Variants in FANK1 observed in about 807,000 individuals in gnomAD.
FANK1 encodes fibronectin type 3 and ankyrin repeat domains protein 1.
In FANK1, 44 loss-of-function variants were observed where a neutral mutation model predicts 45.3. The observed-to-expected ratio is 0.97, with a 90% CI of 0.76 to 1.25. The LOEUF is 1.25. Ranked by LOEUF, FANK1 falls within the 50% of genes most tolerant of loss-of-function variation. The pLI, the probability that FANK1 is intolerant of heterozygous loss-of-function variation, is 0.00. For missense variants in FANK1, 391 were observed against 424.4 expected (o/e 0.92, Z 0.69); for synonymous variants, 149 against 152.5 (o/e 0.98, Z 0.17).
intron 1 of FANK1, among the ~76,000 whole-genome samples, chr10:125,912,359 C>T (rs1284445248): frequency 3.3e-5 from 5 of 151,992 alleles, no homozygotes; most frequent in East Asian, 3.9e-4. Flanking sequence ...ATCTACCCCC[C>T]TCCTCCTCTT....
chr10:125,960,588 G>A (rs895065288), intron 1 of FANK1, among the ~76,000 whole-genome samples: 3 of 152,100 alleles, frequency 2.0e-5, no homozygotes, highest in Admixed American at 6.5e-5. Context: ...GTGCAGTGGT[G>A]CGATCTTGGC....
rs576841473 is a variant in FANK1 at position 125,989,517 on chromosome 10, AAGTTAACTCAGCTTTTG to A, written c.316+862_316+878del. ...TTCATTACAAGTTTTGTGTAGACTA[AAGTTAACTCAGCTTTTG>A]AGTTAACTCAGCTTTTGAGCTGTGG... On this transcript the variant is annotated intron_variant, in intron 3 of 10. Transcript: ENST00000368693. The A allele has an allele frequency of 1.7e-3, 1,302 of 781,888 alleles. 2 individuals carry two copies. Among genetic ancestry groups the A allele is most frequent in the Non-Finnish European group, 2.0e-3 (876 of 446,306 alleles). The allele number at this position is 781,888 out of a possible 1,614,324, so 48.4% of individuals were successfully genotyped here.
At chr10:125,919,492 C>A (rs1299161124) in intron 1 of FANK1, among the ~76,000 whole-genome samples, 1 of 152,102 alleles carries the variant, frequency 6.6e-6, no homozygotes, top group Non-Finnish European at 1.5e-5. Context: ...AGGTGTGAGC[C>A]ACTGCGCCTG....
At position 126,008,321 on chromosome 10, in the gene FANK1, G is replaced by A. The variant is rs1370394409; in HGVS notation, c.706-86G>A. On this transcript the variant is annotated intron_variant, in intron 7 of 10. Transcript: ENST00000368693. Reference sequence around the variant, plus strand: ...GACGGCTATCTAAGTCCGGGTGTTGGGGCAAGCAAATATTCCTTTTATAAG... The same window carrying A: ...GACGGCTATCTAAGTCCGGGTGTTGAGGCAAGCAAATATTCCTTTTATAAG... 4.1e-6 allele frequency: 6 copies of A among 1,470,134 alleles called. No homozygotes were observed. In the African/African-American group the frequency reaches 7.2e-5, roughly 18 times the overall value. 91.1% of individuals were successfully genotyped at this position (1,470,134 alleles called of 1,614,324 possible).
intron 1 of FANK1, among the ~76,000 whole-genome samples, chr10:125,941,853 G>T (rs911579718): frequency 2.6e-5 from 4 of 152,228 alleles, no homozygotes; most frequent in African/African-American, 9.6e-5. Context: ...CAATACGGAA[G>T]AATTCATATT....
intron 1 of FANK1, among the ~76,000 whole-genome samples, chr10:125,909,645 A>G (rs1176028370): frequency 1.3e-5 from 2 of 149,548 alleles, no homozygotes; most frequent in African/African-American, 4.9e-5. Context: ...CAGCCTTCCA[A>G]GTAGCTGGGA....
intron 1 of FANK1, among the ~76,000 whole-genome samples, chr10:125,917,960 T>C (rs1483265054): frequency 2.5e-4 from 38 of 152,398 alleles, no homozygotes; most frequent in Non-Finnish European, 4.3e-4. Context: ...ATACCTGTAG[T>C]CCCAACTACT....
At chr10:125,969,814 T>G (rs10901490) in intron 1 of FANK1, among the ~76,000 whole-genome samples, 108,468 of 151,726 alleles carry the variant, frequency 0.71, 39,622 homozygotes, top group South Asian at 0.8. Context: ...TGAGATTAGG[T>G]ATTGGTGATG....
chr10:125,991,282 G>C (rs1387231542), intron 3 of FANK1, among the ~76,000 whole-genome samples: 1 of 89,380 alleles, frequency 1.1e-5, no homozygotes, highest in Non-Finnish European at 2.6e-5. Flanking sequence ...TGTGTGTTGG[G>C]GGAGTGATCC....
chr10:125,987,155 G>A (rs1168559164), intron 2 of FANK1, among the ~76,000 whole-genome samples: 10 of 152,250 alleles, frequency 6.6e-5, no homozygotes, highest in African/African-American at 2.4e-4. Flanking sequence ...CCATCAGTAG[G>A]AAGTTGGGGT....
At chr10:125,939,997 C>A (rs1333487949) in intron 1 of FANK1, among the ~76,000 whole-genome samples, 2 of 151,142 alleles carry the variant, frequency 1.3e-5, no homozygotes, top group African/African-American at 2.4e-5. Context: ...GTGTCATGAT[C>A]TCGGCTCACT....
intron 1 of FANK1, among the ~76,000 whole-genome samples, chr10:125,930,332 C>A (rs1564884336): frequency 1.3e-5 from 2 of 150,264 alleles, no homozygotes; most frequent in African/African-American, 4.9e-5. Flanking sequence ...CCACGCCTGG[C>A]CTAAAATGAC....
chr10:126,000,607 C>G (rs1952684683), intron 6 of FANK1, among the ~76,000 whole-genome samples: 1 of 151,800 alleles, frequency 6.6e-6, no homozygotes, highest in Admixed American at 6.6e-5. Context: ...AAAAACAAAA[C>G]CATAAAAAAT....
intron 1 of FANK1, among the ~76,000 whole-genome samples, chr10:125,960,934 G>A (rs1949885619): frequency 6.6e-6 from 1 of 152,038 alleles, no homozygotes; most frequent in Non-Finnish European, 1.5e-5. Flanking sequence ...AATAGCCAAA[G>A]CAATCCTGAG....
In FANK1 at chr10:125,993,916, T is replaced by C. The variant is rs1423029034; in HGVS notation, c.317-1501T>C. 2.6e-5 allele frequency among the ~76,000 whole-genome samples: 4 copies of C among 152,378 alleles called. No homozygotes were observed. The South Asian group carries it at 6.2e-4, about 24-fold the overall frequency. On this transcript the variant is annotated intron_variant, in intron 3 of 10. Transcript: ENST00000368693. ...AAAAGGTATCGGCTAAAGATCCTTC[T>C]GGTAGAAATCCTTTTATTCTCCTGT...
intron 1 of FANK1, among the ~76,000 whole-genome samples, chr10:125,939,395 T>A (rs1948304165): frequency 6.6e-6 from 1 of 152,200 alleles, no homozygotes; most frequent in Non-Finnish European, 1.5e-5. Flanking sequence ...GGAGACTGTC[T>A]CAGGATATAC....
intron 1 of FANK1, among the ~76,000 whole-genome samples, chr10:125,936,234 A>G (rs1030163495): frequency 6.6e-6 from 1 of 152,166 alleles, no homozygotes. Flanking sequence ...CCTGATTTCC[A>G]TCATAGTCTT....
At chr10:125,995,844 C>G (rs1480763459) in intron 4 of FANK1, among the ~76,000 whole-genome samples, 4 of 152,198 alleles carry the variant, frequency 2.6e-5, no homozygotes, top group Non-Finnish European at 4.4e-5. Flanking sequence ...TCTGATGAAA[C>G]AAGGGACTCG....
intron 4 of FANK1, among the ~76,000 whole-genome samples, chr10:125,995,889 G>A (rs563089042): frequency 1.3e-4 from 20 of 152,220 alleles, no homozygotes; most frequent in Non-Finnish European, 2.5e-4. Flanking sequence ...GAAGGTTGAT[G>A]TAACACTAGA....
Sources: gnomAD v4.1 joint callset for allele counts (sites outside exome capture counted in the v4.1 genomes callset) on GRCh38, gnomAD v4.1.1 for gene constraint, MANE v1.5 for transcripts, NCBI Gene and HGNC (gene_info 2026-07-23, HGNC 2026-07-21) for gene names.